PSD3: variants seen among roughly 807,000 people sequenced by gnomAD.
The protein encoded by PSD3 is PH and SEC7 domain-containing protein 3.
In PSD3, 49 loss-of-function variants were observed where a neutral mutation model predicts 105.5. That is an observed-to-expected ratio of 0.46 (90% CI 0.37 to 0.59). PSD3 has a LOEUF of 0.59. Ranked by LOEUF, PSD3 falls within the 20% of genes least tolerant of loss-of-function variation. The pLI is 0.00. For missense variants in PSD3, 1,561 were observed against 1,263.8 expected (o/e 1.24, Z -3.57); for synonymous variants, 557 against 457.8 (o/e 1.22, Z -2.77).
chr8:18,714,604 G>A (rs967258651), intron 9 of PSD3, among the ~76,000 whole-genome samples: 2 of 152,160 alleles, frequency 1.3e-5, no homozygotes, highest in Non-Finnish European at 2.9e-5. Flanking sequence ...CAGTCAGAAT[G>A]GTGATTATTG....
At chr8:18,759,309 C>T (rs1409215970) in intron 9 of PSD3, among the ~76,000 whole-genome samples, 1 of 152,018 alleles carries the variant, frequency 6.6e-6, no homozygotes, top group Non-Finnish European at 1.5e-5. Context: ...ATTTATTTCC[C>T]TACGTTTTTA....
At chr8:18,786,292 G>C (rs1313913652) in intron 8 of PSD3, among the ~76,000 whole-genome samples, 1 of 152,066 alleles carries the variant, frequency 6.6e-6, no homozygotes, top group Non-Finnish European at 1.5e-5. Context: ...ATATTTAAAG[G>C]CTACAGAGTC....
rs1799746773 is a variant in PSD3, at chr8:18,534,332, G to A, written c.*1411C>T. 1 of 152,608 alleles carries A rather than the reference G, an allele frequency of 6.6e-6. No homozygotes were observed. The highest frequency in any genetic ancestry group is 1.5e-5 in the Non-Finnish European group (1 of 68,030). 9.5% of individuals were successfully genotyped at this position (152,608 alleles called of 1,614,324 possible). ...AGTTTCAAGGTTAGGAAATCACAAA[G>A]CTCTAGGTCTCAGTGGGCTAAACTT... On this transcript the variant is annotated 3_prime_UTR_variant, in exon 16 of 16. Transcript: ENST00000327040.
rs1217289771 is a variant in PSD3, at chr8:18,600,264, G to C, written c.2481+100C>G. 4.5e-6 allele frequency: 5 copies of C among 1,111,698 alleles called. No individual in the cohort carries two copies. The African/African-American group carries it at 6.5e-5, about 14-fold the overall frequency. The allele number at this position is 1,111,698 out of a possible 1,614,324, so 68.9% of individuals were successfully genotyped here. On this transcript the variant is annotated intron_variant, in intron 12 of 15. Coordinates refer to ENST00000327040, the MANE Select transcript of PSD3 (RefSeq NM_015310.4). ...AACATCAGCAAACAAACTGCAGAAA[G>C]TGAAACCACAGATAAGGGAGACTAC...
chr8:18,820,784 G>A (rs992112759), intron 4 of PSD3, among the ~76,000 whole-genome samples: 2 of 152,086 alleles, frequency 1.3e-5, no homozygotes, highest in Admixed American at 6.6e-5. Flanking sequence ...TCTCTTTTGA[G>A]ACAGCATCCT....
In PSD3 at chr8:18,888,305, T is replaced by C. The variant is rs147052090; in HGVS notation, c.131-15572A>G. 1.8e-3 allele frequency among the ~76,000 whole-genome samples: 275 copies of C among 152,306 alleles called. 2 individuals carry two copies. Among genetic ancestry groups the C allele is most frequent in the East Asian group, 0.012 (60 of 5,178 alleles). On this transcript the variant is annotated intron_variant, in intron 2 of 15. Coordinates refer to ENST00000327040, the MANE Select transcript of PSD3 (RefSeq NM_015310.4). Reference sequence around the variant, plus strand: ...GACTACCGGCATGACCTTGGGCCAATGCCTTAAAACTTTCCAGCTTTAGCT... The same window carrying C: ...GACTACCGGCATGACCTTGGGCCAACGCCTTAAAACTTTCCAGCTTTAGCT...
intron 2 of PSD3, among the ~76,000 whole-genome samples, chr8:18,892,227 CTT>C (rs36035049): frequency 9.7e-5 from 14 of 144,310 alleles, no homozygotes; most frequent in African/African-American, 2.8e-4. Context: ...ACCATATAAA[CTT>C]TTTTTTTTTT....
chr8:18,823,593 A>G (rs1176204695), intron 4 of PSD3, among the ~76,000 whole-genome samples: 1 of 152,104 alleles, frequency 6.6e-6, no homozygotes, highest in East Asian at 1.9e-4. Flanking sequence ...CAAGTCACCC[A>G]AGAGATGACG....
intron 14 of PSD3, among the ~76,000 whole-genome samples, chr8:18,571,533 T>C (rs952424608): frequency 7.9e-5 from 12 of 152,200 alleles, no homozygotes; most frequent in Admixed American, 6.5e-4. Flanking sequence ...TGTACTTCTA[T>C]CAAATCATTT....
Position 18,898,763 on chromosome 8 carries a change from G to A in PSD3, c.131-26030C>T, listed in dbSNP as rs376897197. On this transcript the variant is annotated intron_variant, in intron 2 of 15. Transcript: ENST00000327040. ...TATTTACTATTCATTAAGTGGAAAT[G>A]AATCATCATAAAGGTCTTCATCCTC... 5.3e-5 allele frequency among the ~76,000 whole-genome samples: 8 copies of A among 152,174 alleles called. No individual in the cohort carries two copies. In the East Asian group the frequency reaches 1.5e-3, roughly 29 times the overall value.
At chr8:18,712,664 G>C (rs1802327226) in intron 9 of PSD3, among the ~76,000 whole-genome samples, 1 of 152,094 alleles carries the variant, frequency 6.6e-6, no homozygotes, top group South Asian at 2.1e-4. Context: ...AAACAAAAAA[G>C]CCCAGGACCA....
intron 1 of PSD3, among the ~76,000 whole-genome samples, chr8:18,945,481 G>C (rs1397162970): frequency 1.3e-5 from 2 of 152,136 alleles, no homozygotes; most frequent in Non-Finnish European, 2.9e-5. Flanking sequence ...TTATCCTCTG[G>C]CACCTTGATT....
intron 2 of PSD3, among the ~76,000 whole-genome samples, chr8:18,911,629 G>A (rs1039310226): frequency 6.6e-6 from 1 of 152,172 alleles, no homozygotes; most frequent in Non-Finnish European, 1.5e-5. Flanking sequence ...AATGATGTAA[G>A]AGCGTTCACT....
intron 4 of PSD3, among the ~76,000 whole-genome samples, chr8:18,818,718 G>C (rs75469564): frequency 2.0e-5 from 3 of 152,066 alleles, no homozygotes; most frequent in Admixed American, 2.0e-4. Context: ...AGGAAAGAAA[G>C]AATGAAGAGT....
chr8:19,032,783 A>T (rs1827813910), intron 1 of PSD3, among the ~76,000 whole-genome samples: 1 of 152,186 alleles, frequency 6.6e-6, no homozygotes, highest in South Asian at 2.1e-4. Context: ...GCTGATGAAC[A>T]TTAAACATTA....
chr8:18,762,175 G>A (rs906796181), intron 9 of PSD3, among the ~76,000 whole-genome samples: 1 of 152,192 alleles, frequency 6.6e-6, no homozygotes, highest in Non-Finnish European at 1.5e-5. Flanking sequence ...GAGCTCTCAT[G>A]AATGGGTTAG....
intron 2 of PSD3, among the ~76,000 whole-genome samples, chr8:18,891,018 AAGCAGATCTCAC>A (rs1818751096): frequency 2.0e-5 from 3 of 152,186 alleles, no homozygotes; most frequent in African/African-American, 7.2e-5. Context: ...AAAGAGCAGG[AAGCAGATCTCAC>A]AGCAGGTCTC....
chr8:18,997,403 A>G (rs1826138276), intron 1 of PSD3, among the ~76,000 whole-genome samples: 1 of 151,794 alleles, frequency 6.6e-6, no homozygotes, highest in African/African-American at 2.4e-5. Flanking sequence ...CCTTCAAAAC[A>G]TACCATGGTG....
Position 18,829,052 on chromosome 8 carries a change from G to A in PSD3, c.1635-24154C>T, listed in dbSNP as rs147868294. Among the ~76,000 whole-genome samples, 661 of 152,140 alleles carry A rather than the reference G, an allele frequency of 4.3e-3. 8 individuals are homozygous for A. The highest frequency in any genetic ancestry group is 0.015 in the African/African-American group (639 of 41,504). ...GCTGCTACTGCACTCCAGCCTGGGC[G>A]ACAGAGTGAGACTCCGTTAAAAAAA... On this transcript the variant is annotated intron_variant, in intron 4 of 15. Transcript: ENST00000327040.
Sources: allele counts gnomAD v4.1 joint callset (sites outside exome capture counted in the v4.1 genomes callset), GRCh38; gene constraint gnomAD v4.1.1; transcripts MANE v1.5; gene names NCBI Gene and HGNC (gene_info 2026-07-23, HGNC 2026-07-21).